Variants in ACBD6 observed in about 807,000 individuals in gnomAD.
ACBD6 encodes the protein acyl-CoA binding domain containing 6.
ACBD6 carries 28 observed loss-of-function variants against 37.2 expected under a neutral mutation model. That is an observed-to-expected ratio of 0.75 (90% CI 0.56 to 1.03). The LOEUF (loss-of-function observed/expected upper bound fraction) is 1.03. Among genes scored for constraint, ACBD6 ranks in the 50% least tolerant of loss-of-function variants. ACBD6 has a pLI of 0.00. For synonymous variants in ACBD6, 113 were observed against 126.8 expected, an observed-to-expected ratio of 0.89 and a Z score of 0.73; for missense variants, 340 against 337.4, an observed-to-expected ratio of 1.01 and a Z score of -0.06.
intron 7 of ACBD6, 111 bp downstream of exon 7, chr1:180,314,581 T>C: frequency 1.1e-6 from 1 of 887,528 alleles, no homozygotes; most frequent in South Asian, 1.5e-5. Flanking sequence ...ATTGTATCTC[T>C]GCTAGCTGCC....
intron 10 of ACBD6, chr1:180,274,601 CCTGCCCCCCT>C: frequency 6.5e-7 from 1 of 1,539,654 alleles, no homozygotes; most frequent in Non-Finnish European, 8.7e-7. Flanking sequence ...CCCCACCCTA[CCTGCCCCCCT>C]GGCTTGAGAG....
chr1:180,480,952 A>G (rs1651013082), intron 3 of ACBD6, among the ~76,000 whole-genome samples: 1 of 150,884 alleles, frequency 6.6e-6, no homozygotes, highest in African/African-American at 2.4e-5. Flanking sequence ...AATTGCTGGA[A>G]CCCGGGAGGC....
intron 6 of ACBD6, among the ~76,000 whole-genome samples, chr1:180,391,347 T>C (rs763933972): frequency 4.6e-5 from 7 of 152,140 alleles, no homozygotes; most frequent in Non-Finnish European, 8.8e-5. Context: ...TAAAGGACAC[T>C]ATCAAGCAAG....
intron 3 of ACBD6, among the ~76,000 whole-genome samples, chr1:180,450,011 A>C (rs1025823867): frequency 3.3e-5 from 5 of 150,952 alleles, no homozygotes; most frequent in African/African-American, 1.2e-4. Context: ...GGACCCCCCC[A>C]CCCCAAAAAT....
intron 3 of ACBD6, among the ~76,000 whole-genome samples, chr1:180,460,133 C>A (rs1184161655): frequency 6.8e-6 from 1 of 145,988 alleles, no homozygotes; most frequent in East Asian, 2.2e-4. Context: ...CCTCCCCCCT[C>A]CCCCTACCCC....
At chr1:180,310,898 A>G (rs1014808390) in intron 7 of ACBD6, among the ~76,000 whole-genome samples, 1 of 152,108 alleles carries the variant, frequency 6.6e-6, no homozygotes, top group African/African-American at 2.4e-5. Context: ...GCATTCCCCA[A>G]TTAATTATTG....
At chr1:180,374,748 A>G (rs1224762695) in intron 6 of ACBD6, among the ~76,000 whole-genome samples, 2 of 152,336 alleles carry the variant, frequency 1.3e-5, no homozygotes, top group Admixed American at 1.3e-4. Flanking sequence ...CAGATAAAAT[A>G]TTTGAAATAT....
At chr1:180,485,265 T>C (rs989628984) in intron 3 of ACBD6, among the ~76,000 whole-genome samples, 1 of 152,108 alleles carries the variant, frequency 6.6e-6, no homozygotes, top group Admixed American at 6.6e-5. Context: ...ATTCCAGGGA[T>C]AGGGCAGGGC....
At chr1:180,317,883 A>C (rs1311034529) in intron 6 of ACBD6, among the ~76,000 whole-genome samples, 3 of 152,136 alleles carry the variant, frequency 2.0e-5, no homozygotes, top group African/African-American at 7.2e-5. Flanking sequence ...TCCTATAAGA[A>C]TACTTATCTG....
At chr1:180,352,617 GTGAGAGACAGTAA>G (rs1425902873) in intron 6 of ACBD6, among the ~76,000 whole-genome samples, 1 of 152,196 alleles carries the variant, frequency 6.6e-6, no homozygotes, top group Non-Finnish European at 1.5e-5. Flanking sequence ...ATGGAAGCAT[GTGAGAGACAGTAA>G]GGGTAAACAA....
intron 7 of ACBD6, among the ~76,000 whole-genome samples, chr1:180,304,163 A>T (rs1469904990): frequency 6.6e-6 from 1 of 150,902 alleles, no homozygotes; most frequent in African/African-American, 2.4e-5. Context: ...CTGAATGGGC[A>T]AAACCTGGAA....
chr1:180,422,600 C>T (rs1187088200), intron 4 of ACBD6, among the ~76,000 whole-genome samples: 1 of 152,110 alleles, frequency 6.6e-6, no homozygotes. Flanking sequence ...ATCTACAATA[C>T]GTATTAAGCA....
intron 5 of ACBD6, among the ~76,000 whole-genome samples, chr1:180,401,788 G>GA (rs1243663461): frequency 0.27 from 26,144 of 97,674 alleles, 2,731 homozygotes; most frequent in African/African-American, 0.29. Flanking sequence ...ATTCTGTCCA[G>GA]AAAAAAAAAA....
At chr1:180,349,445 T>C (rs568416382) in intron 6 of ACBD6, among the ~76,000 whole-genome samples, 6 of 151,794 alleles carry the variant, frequency 4.0e-5, no homozygotes, top group Non-Finnish European at 5.9e-5. Flanking sequence ...TTAGTAGAGA[T>C]GGGGTTTCAC....
chr1:180,468,992 A>G (rs1004777793), intron 3 of ACBD6, among the ~76,000 whole-genome samples: 1 of 152,188 alleles, frequency 6.6e-6, no homozygotes. Context: ...ACCTCTATCT[A>G]TACACCAACC....
rs1651690196 is a variant in ACBD6 at position 180,335,838 on chromosome 1, C to T, written c.664-21116G>A. On this transcript the variant is annotated intron_variant, in intron 6 of 7. Coordinates refer to ENST00000367595, the MANE Select transcript of ACBD6 (RefSeq NM_032360.4). ...GAAGATCTACCAAGCAAATGGAAAA[C>T]AAAAAAAGGCAGGGGTTGCAATCCT... Among the ~76,000 whole-genome samples, 8 of 143,456 alleles carry T rather than the reference C, an allele frequency of 5.6e-5. No individual in the cohort carries two copies. In the South Asian group the frequency reaches 1.8e-3, roughly 32 times the overall value. 94.1% of individuals were successfully genotyped at this position (143,456 alleles called of 152,430 possible). A position where few individuals can be genotyped will look rare whatever the true frequency, so the allele number is the denominator to read the frequency against.
intron 6 of ACBD6, among the ~76,000 whole-genome samples, chr1:180,366,175 A>G (rs893810380): frequency 6.6e-6 from 1 of 152,234 alleles, no homozygotes; most frequent in Admixed American, 6.5e-5. Context: ...CATTCAAACA[A>G]GTTAGTTCTT....
intron 7 of ACBD6, among the ~76,000 whole-genome samples, chr1:180,312,535 T>G (rs554593161): frequency 4.9e-4 from 75 of 152,292 alleles, no homozygotes; most frequent in African/African-American, 1.7e-3. Context: ...TACCTTTTAT[T>G]TATTTTGTTT....
At chr1:180,466,859 AATAAG>A (rs1650367409) in intron 3 of ACBD6, among the ~76,000 whole-genome samples, 1 of 152,152 alleles carries the variant, frequency 6.6e-6, no homozygotes, top group Non-Finnish European at 1.5e-5. Context: ...GTGACCAGTA[AATAAG>A]ATAATACATA....
Sources: allele counts gnomAD v4.1 joint callset (sites outside exome capture counted in the v4.1 genomes callset), GRCh38; gene constraint gnomAD v4.1.1; transcripts MANE v1.5; gene names NCBI Gene and HGNC (gene_info 2026-07-23, HGNC 2026-07-21).